The following MUC4 variants were observed in gnomAD, a reference collection of about 807,000 sequenced individuals.
MUC4 encodes the protein mucin-4.
Under a neutral mutation model 257.9 loss-of-function variants are expected in MUC4, and 202 were observed. The observed-to-expected ratio is 0.78, with a 90% CI of 0.70 to 0.88. The LOEUF (loss-of-function observed/expected upper bound fraction) is 0.88, where lower values mean the gene tolerates loss of function less well. Ranked by LOEUF, MUC4 falls within the 40% of genes least tolerant of loss-of-function variation. MUC4 has a pLI of 0.00. For missense variants in MUC4, 5,976 were observed against 6,513.7 expected (o/e 0.92, Z 2.84); for synonymous variants, 2,351 against 2,757.1 (o/e 0.85, Z 4.62).
rs751033740 is a variant in MUC4, at chr3:195,790,510, C to T, written c.1070G>A (p.Ser357Asn). The T allele has an allele frequency of 1.9e-6, 3 of 1,613,988 alleles. No individual in the cohort carries two copies. The highest frequency in any genetic ancestry group is 2.5e-6 in the Non-Finnish European group (3 of 1,179,896). ...AACTGTTCCACTTGGGTTGAATCCA[C>T]TTGGTGAGGATAAAACAGTTGATGT... ...VTTSTVLSSP[S>N]GFNPSGTVSQ... Residue 357 changes from serine to asparagine, a missense_variant, in exon 2 of 25, where the codon AGT becomes AAT. Transcript: ENST00000463781.
intron 1 of MUC4, among the ~76,000 whole-genome samples, chr3:195,804,852 T>G (rs950098315): frequency 1.3e-5 from 2 of 152,254 alleles, no homozygotes; most frequent in African/African-American, 2.4e-5. Flanking sequence ...TTGTGTCCAC[T>G]GGGTACTTCC....
intron 1 of MUC4, among the ~76,000 whole-genome samples, chr3:195,796,175 C>T (rs1230182735): frequency 6.6e-6 from 1 of 152,078 alleles, no homozygotes; most frequent in Non-Finnish European, 1.5e-5. Flanking sequence ...ACCTCTGCCT[C>T]CCAGGTTCAA....
intron 7 of MUC4, among the ~76,000 whole-genome samples, chr3:195,767,879 A>ACCACCATCACCACCATCATTG (rs1560266139): frequency 7.0e-6 from 1 of 142,054 alleles, no homozygotes; most frequent in Non-Finnish European, 1.5e-5. Context: ...CACCACCATC[A>ACCACCATCACCACCATCATTG]CCACCATCAC....
intron 1 of MUC4, among the ~76,000 whole-genome samples, chr3:195,804,070 G>A (rs1735679534): frequency 6.6e-6 from 1 of 152,188 alleles, no homozygotes; most frequent in African/African-American, 2.4e-5. Flanking sequence ...TGAGTAAAAC[G>A]GATAGTTTTT....
chr3:195,797,150 T>C (rs1734676477), intron 1 of MUC4, among the ~76,000 whole-genome samples: 1 of 151,870 alleles, frequency 6.6e-6, no homozygotes, highest in Non-Finnish European at 1.5e-5. Context: ...ACACCTGTAA[T>C]CCCAGCTACT....
chr3:195,747,690 C>T (rs1560209182), intron 24 of MUC4, among the ~76,000 whole-genome samples: 1 of 152,276 alleles, frequency 6.6e-6, no homozygotes, highest in Non-Finnish European at 1.5e-5. Context: ...CACGGTGAAA[C>T]CCCATCTCTA....
In MUC4 at chr3:195,785,526, AGGAAGAGGG is replaced by A. The variant is rs1731231121; in HGVS notation, c.6045_6053del (p.Pro2016_Pro2018del). ...TGGATGCTGAGGAAAGGCTGGTGAC[AGGAAGAGGG>A]GTGGCCTGTCCTGTAGATACTGAGG... On this transcript the variant is annotated inframe_deletion, in exon 2 of 25. Coordinates refer to ENST00000463781, the MANE Select transcript of MUC4 (RefSeq NM_018406.7). 1 of 1,520,842 alleles carries A rather than the reference AGGAAGAGGG, an allele frequency of 6.6e-7. No individual in the cohort carries two copies. The highest frequency in any genetic ancestry group is 1.5e-5 in the African/African-American group (1 of 68,002). 94.2% of individuals were successfully genotyped at this position (1,520,842 alleles called of 1,614,324 possible).
rs1374711447 is a variant in MUC4, at chr3:195,810,590, G to A, written c.82+1146C>T. ...GGCTACGAGCCCCAGGCAAGGCCGT[G>A]ACCCAAATGGAGGCTTTTAAACCCG... On this transcript the variant is annotated intron_variant, in intron 1 of 24. Coordinates refer to ENST00000463781, the MANE Select transcript of MUC4 (RefSeq NM_018406.7). This position sits in a 1 kb window ranked among gnomAD's most constrained non-coding sequence, Gnocchi z 4.2. Among the ~76,000 whole-genome samples, 1 of 152,140 alleles carries A rather than the reference G, an allele frequency of 6.6e-6. No individual in the cohort carries two copies. Among genetic ancestry groups the A allele is most frequent in the Non-Finnish European group, 1.5e-5 (1 of 68,016 alleles).
Position 195,786,436 on chromosome 3 carries a change from A to T in MUC4, c.5144T>A (p.Val1715Asp). 1.3e-6 allele frequency: 2 copies of T among 1,532,622 alleles called. No homozygotes were observed. Among genetic ancestry groups the T allele is most frequent in the Non-Finnish European group, 1.8e-6 (2 of 1,137,010 alleles). 94.9% of individuals were successfully genotyped at this position (1,532,622 alleles called of 1,614,324 possible). A position where few individuals can be genotyped will look rare whatever the true frequency, so the allele number is the denominator to read the frequency against. Residue 1715 changes from valine (V) to aspartate (D), a missense_variant, in exon 2 of 25, where the codon GTC becomes GAC. Physicochemically the swap from Val to Asp is radical, Grantham distance 152. This residue lies in a region of MUC4 where 138 missense variants were observed against 107.8 expected (regional missense o/e 1.28). Transcript: ENST00000463781. ...ASTGQATPLP[V>D]TSLSSVSTGD... The stretch of plus-strand genomic sequence containing the variant: ...TGTGGATACTGAGGAAAGGCTGGTG[A>T]CAGGAAGAGGGGTGGCCTGACCTGT...
chr3:195,752,093 A>G, intron 21 of MUC4: 2 of 453,820 alleles, frequency 4.4e-6, no homozygotes, highest in Non-Finnish European at 7.9e-6. Flanking sequence ...CGGGAGGTGA[A>G]ATGTCCTTTA....
In MUC4 at chr3:195,798,576, C is replaced by T. The variant is rs576138020; in HGVS notation, c.83-7079G>A. 1.8e-4 allele frequency among the ~76,000 whole-genome samples: 27 copies of T among 151,308 alleles called. No homozygotes were observed. In the South Asian group the frequency reaches 4.0e-3, roughly 23 times the overall value. On this transcript the variant is annotated intron_variant, in intron 1 of 24. Coordinates refer to ENST00000463781, the MANE Select transcript of MUC4 (RefSeq NM_018406.7). ...AAAATTAGCCGGGCGTGGTGGCGGG[C>T]GCCTGTAGTCCCAGCTACTCGGGAG...
Position 195,765,381 on chromosome 3 carries a change from G to T in MUC4, c.13687C>A (p.Gln4563Lys), listed in dbSNP as rs1478649560. Residue 4563 changes from glutamine (Q) to lysine (K), a missense_variant, in exon 9 of 25, where the codon CAG becomes AAG. By Grantham distance (53) the Gln-to-Lys change is moderately conservative (BLOSUM62 1). Transcript: ENST00000463781. ...ERPNYRLECL[Q>K]WLKSQPRWPS... ...CACCGAGGCTGGCTCTTCAGCCACT[G>T]CAGGCACTCGAGACGGTAGTTGGGC... 4 of 1,613,622 alleles carry T rather than the reference G, an allele frequency of 2.5e-6. No individual in the cohort carries two copies. The highest frequency in any genetic ancestry group is 3.4e-6 in the Non-Finnish European group (4 of 1,180,026).
chr3:195,789,332 C>T lies in MUC4; in HGVS notation c.2248G>A (p.Gly750Ser), dbSNP rs773266203. ...LANSVVSTPG[G>S]PEGQWTSASA... ...GCTGATGTCCATTGTCCTTCTGGGC[C>T]CCCTGGTGTTGACACTACAGAGTTG... Residue 750 changes from glycine to serine, a missense_variant, in exon 2 of 25, where the codon GGC (glycine) becomes AGC (serine). By Grantham distance (56) the Gly-to-Ser change is moderately conservative. Transcript: ENST00000463781. 4 of 1,613,836 alleles carry T rather than the reference C, an allele frequency of 2.5e-6. No individual in the cohort carries two copies. Among genetic ancestry groups the T allele is most frequent in the Non-Finnish European group, 3.4e-6 (4 of 1,179,870 alleles).
At position 195,772,242 on chromosome 3, in the gene MUC4, G is replaced by C. The variant is rs193064459; in HGVS notation, c.13078-426C>G. Among the ~76,000 whole-genome samples, 806 of 150,188 alleles carry C rather than the reference G, an allele frequency of 5.4e-3. 45 individuals carry two copies. Among genetic ancestry groups the C allele is most frequent in the Admixed American group, 0.047 (718 of 15,146 alleles). On this transcript the variant is annotated intron_variant, in intron 4 of 24. Coordinates refer to ENST00000463781, the MANE Select transcript of MUC4 (RefSeq NM_018406.7). ...GTGGAGCCCTCCCTCCGTCGCTCAGGGGTGTAGACACCCTCTCTCCATCGC... is the reference window on the plus strand; with the variant it reads ...GTGGAGCCCTCCCTCCGTCGCTCAGCGGTGTAGACACCCTCTCTCCATCGC...
intron 19 of MUC4, 22 bp from the exon 20 acceptor site, chr3:195,753,252 C>A: frequency 6.2e-7 from 1 of 1,611,924 alleles, no homozygotes; most frequent in Non-Finnish European, 8.5e-7. Flanking sequence ...GTAGGGAGGT[C>A]AGCAGCAGCG....
At chr3:195,752,509 C>T in intron 20 of MUC4, 63 bp from the exon 21 acceptor site, 1 of 1,468,220 alleles carries the variant, frequency 6.8e-7, no homozygotes, top group Admixed American at 1.7e-5. Context: ...CCCAAAAAGT[C>T]TGTCGGGCCA....
intron 3 of MUC4, among the ~76,000 whole-genome samples, chr3:195,774,899 C>T (rs1723992693): frequency 4.7e-5 from 4 of 85,586 alleles, no homozygotes; most frequent in African/African-American, 1.8e-4. Flanking sequence ...AAAACTCCAT[C>T]TCAAAAAAAA....
chr3:195,771,853 G>A (rs1722952730), intron 4 of MUC4, 37 bp from the exon 5 acceptor site: 1 of 1,603,170 alleles, frequency 6.2e-7, no homozygotes, highest in African/African-American at 1.3e-5. Flanking sequence ...ATTCAGGGAG[G>A]GAAGTGGGGA....
intron 24 of MUC4, among the ~76,000 whole-genome samples, chr3:195,747,797 G>A (rs1715357497): frequency 6.6e-6 from 1 of 152,278 alleles, no homozygotes; most frequent in South Asian, 2.1e-4. Context: ...GGAGGTGGAG[G>A]TTGCAGTGAG....
Sources: allele counts gnomAD v4.1 joint callset (sites outside exome capture counted in the v4.1 genomes callset), GRCh38; gene constraint gnomAD v4.1.1; regional missense constraint gnomAD v4.1.1; non-coding constraint Gnocchi (gnomAD v3.1); transcripts MANE v1.5; gene names NCBI Gene and HGNC (gene_info 2026-07-23, HGNC 2026-07-21).